Variants in TTC28 observed in about 807,000 individuals in gnomAD.
The protein encoded by TTC28 is tetratricopeptide repeat domain 28.
In TTC28, 61 loss-of-function variants were observed where a neutral mutation model predicts 198.0. That is an observed-to-expected ratio of 0.31 (90% confidence interval 0.25 to 0.38). The LOEUF is 0.38. Among genes scored for constraint, TTC28 ranks in the 10% least tolerant of loss-of-function variants. The pLI is 1.00. For synonymous variants in TTC28, 1,171 were observed against 1,297.8 expected (o/e 0.90, Z 2.10); for missense variants, 2,678 against 3,164.0 (o/e 0.85, Z 3.69).
chr22:27,999,060 G>A lies in TTC28; in HGVS notation c.4599C>T (p.Val1533=). The A allele has an allele frequency of 6.4e-7, 1 of 1,550,436 alleles. No individual in the cohort carries two copies. The highest frequency in any genetic ancestry group is 8.7e-7 in the Non-Finnish European group (1 of 1,146,990). ...ATTCAGCCTGGGTCAGGGCACTCAT[G>A]ACCCTCTCCTTGGTGGCCACACTGC... ...LVGSVATKER[V]MSALTQAECV... Residue 1533 remains valine, a synonymous_variant, in exon 16 of 23, where the codon GTC becomes GTT. Coordinates refer to ENST00000397906, the MANE Select transcript of TTC28 (RefSeq NM_001145418.2).
At chr22:28,246,391 A>C (rs1271509683) in intron 5 of TTC28, among the ~76,000 whole-genome samples, 5 of 152,200 alleles carry the variant, frequency 3.3e-5, no homozygotes, top group African/African-American at 1.2e-4. Flanking sequence ...TCTGTAAAAT[A>C]AAGAGGCTAG....
chr22:28,301,158 T>A (rs567394141), intron 3 of TTC28, among the ~76,000 whole-genome samples: 1 of 152,262 alleles, frequency 6.6e-6, no homozygotes, highest in Admixed American at 6.5e-5. Flanking sequence ...AGTGGTAAGA[T>A]AAGTTTTCTA....
chr22:28,559,822 C>T (rs1029786262), intron 2 of TTC28, among the ~76,000 whole-genome samples: 1 of 152,118 alleles, frequency 6.6e-6, no homozygotes, highest in African/African-American at 2.4e-5. Context: ...AGACTCAGTC[C>T]TCAGTCTTCT....
intron 2 of TTC28, among the ~76,000 whole-genome samples, chr22:28,373,739 G>T (rs1474204059): frequency 3.3e-5 from 5 of 152,128 alleles, no homozygotes; most frequent in Non-Finnish European, 5.9e-5. Flanking sequence ...GAAAATGACA[G>T]TAATCCTCTG....
At chr22:28,531,047 C>T (rs969480798) in intron 2 of TTC28, among the ~76,000 whole-genome samples, 1 of 152,160 alleles carries the variant, frequency 6.6e-6, no homozygotes, top group Non-Finnish European at 1.5e-5. Flanking sequence ...GGATCAAATT[C>T]ACACATAACA....
intron 5 of TTC28, among the ~76,000 whole-genome samples, chr22:28,204,807 C>G (rs557097704): frequency 6.6e-6 from 1 of 152,106 alleles, no homozygotes; most frequent in Non-Finnish European, 1.5e-5. Flanking sequence ...ATGTTAGACA[C>G]TACAGGGAAC....
At chr22:28,344,429 A>T (rs2145915248) in intron 2 of TTC28, among the ~76,000 whole-genome samples, 1 of 152,270 alleles carries the variant, frequency 6.6e-6, no homozygotes, top group Non-Finnish European at 1.5e-5. Context: ...TTAGTATTGA[A>T]CCATGACACT....
chr22:28,119,496 A>G (rs1378975876), intron 6 of TTC28, among the ~76,000 whole-genome samples: 1 of 152,232 alleles, frequency 6.6e-6, no homozygotes, highest in Non-Finnish European at 1.5e-5. Context: ...ACTATATCAA[A>G]GCTCTGCTTA....
At chr22:28,016,354 C>T (rs190796111) in intron 13 of TTC28, among the ~76,000 whole-genome samples, 55 of 152,324 alleles carry the variant, frequency 3.6e-4, no homozygotes, top group African/African-American at 1.3e-3. Context: ...ATTGCTCTCC[C>T]GAGGAGACGC....
At chr22:28,616,250 T>C (rs2050903354) in intron 2 of TTC28, among the ~76,000 whole-genome samples, 1 of 152,182 alleles carries the variant, frequency 6.6e-6, no homozygotes, top group South Asian at 2.1e-4. Context: ...TAGACAAGTA[T>C]ACAATCTCCC....
At chr22:28,458,750 G>A (rs1305455420) in intron 2 of TTC28, among the ~76,000 whole-genome samples, 5 of 151,592 alleles carry the variant, frequency 3.3e-5, no homozygotes, top group African/African-American at 4.8e-5. Context: ...GCGTGGTGGC[G>A]GGCGCCTGTA....
chr22:28,209,446 C>T lies in TTC28; in HGVS notation c.934-45847G>A, dbSNP rs185672992. Reference sequence around the variant, plus strand: ...TCGGGACATTCCCACCCTAATACTGCGCTTTTCCAACAGTCTTAGCAAATG... The same window carrying T: ...TCGGGACATTCCCACCCTAATACTGTGCTTTTCCAACAGTCTTAGCAAATG... On this transcript the variant is annotated intron_variant, in intron 5 of 22. Coordinates refer to ENST00000397906, the MANE Select transcript of TTC28 (RefSeq NM_001145418.2). Among the ~76,000 whole-genome samples, 145 of 152,264 alleles carry T rather than the reference C, an allele frequency of 9.5e-4. 1 individual carries two copies. The highest frequency in any genetic ancestry group is 3.2e-3 in the African/African-American group (135 of 41,566).
At chr22:28,051,127 T>C (rs977400451) in intron 12 of TTC28, among the ~76,000 whole-genome samples, 3 of 152,194 alleles carry the variant, frequency 2.0e-5, no homozygotes, top group Non-Finnish European at 4.4e-5. Flanking sequence ...TCATATGGGA[T>C]GTGGTCCTTA....
rs57929974 is a variant in TTC28 at position 28,092,938 on chromosome 22, G to T, written c.3932+1142C>A. 2.0e-5 allele frequency among the ~76,000 whole-genome samples: 3 copies of T among 152,204 alleles called. No individual in the cohort carries two copies. The East Asian group carries it at 5.8e-4, about 29-fold the overall frequency. ...AGCTAGAAATGAAATTCTTATATTT[G>T]GCTACTTTCTCAAAATATGATATTA... On this transcript the variant is annotated intron_variant, in intron 12 of 22. Coordinates refer to ENST00000397906, the MANE Select transcript of TTC28 (RefSeq NM_001145418.2).
chr22:28,365,703 C>T lies in TTC28; in HGVS notation c.382-59060G>A, dbSNP rs150807685. ...TTAAATCTGTGTGCTGATATTAACACATGTACACATGCATATTTGTCTGTG... is the reference window on the plus strand; with the variant it reads ...TTAAATCTGTGTGCTGATATTAACATATGTACACATGCATATTTGTCTGTG... On this transcript the variant is annotated intron_variant, in intron 2 of 22. Transcript: ENST00000397906. Among the ~76,000 whole-genome samples the T allele has an allele frequency of 9.6e-3, 1,457 of 152,320 alleles. 25 individuals carry two copies. Among genetic ancestry groups the T allele is most frequent in the African/African-American group, 0.033 (1,356 of 41,560 alleles).
chr22:28,629,493 G>A, intron 2 of TTC28, 59 bp downstream of exon 2: 3 of 1,440,728 alleles, frequency 2.1e-6, no homozygotes, highest in Non-Finnish European at 2.8e-6. Flanking sequence ...TTACATTAAA[G>A]TAAGAAGCCA....
Position 28,502,658 on chromosome 22 carries a change from AG to A in TTC28, c.381+126893del, listed in dbSNP as rs577597826. On this transcript the variant is annotated intron_variant, in intron 2 of 22. Coordinates refer to ENST00000397906, the MANE Select transcript of TTC28 (RefSeq NM_001145418.2). ...GCAAGGCTCCGTCTCAAAAAAAAAA[AG>A]AAAGAAAGAAAACGTAGAGGCAGCA... 3.2e-3 allele frequency among the ~76,000 whole-genome samples: 485 copies of A among 152,022 alleles called. 1 individual carries two copies. The highest frequency in any genetic ancestry group is 0.013 in the South Asian group (62 of 4,824).
intron 6 of TTC28, among the ~76,000 whole-genome samples, chr22:28,147,384 T>A (rs1943493333): frequency 6.6e-6 from 1 of 152,182 alleles, no homozygotes. Context: ...TATGTGTGCT[T>A]AAGTACAGCC....
intron 2 of TTC28, among the ~76,000 whole-genome samples, chr22:28,535,040 C>T (rs760281747): frequency 6.6e-6 from 1 of 151,884 alleles, no homozygotes; most frequent in Non-Finnish European, 1.5e-5. Flanking sequence ...CACATGTGTA[C>T]ACCCTAGAAC....
Sources: allele counts gnomAD v4.1 joint callset (sites outside exome capture counted in the v4.1 genomes callset), GRCh38; gene constraint gnomAD v4.1.1; transcripts MANE v1.5; gene names NCBI Gene and HGNC (gene_info 2026-07-23, HGNC 2026-07-21).